The following LIN9 variants were observed in gnomAD, a reference collection of about 807,000 sequenced individuals.
LIN9 encodes protein lin-9 homolog.
LIN9 carries 18 observed loss-of-function variants against 78.0 expected under a neutral mutation model. That is an observed-to-expected ratio of 0.23 (90% CI 0.16 to 0.34). The LOEUF is 0.34. Ranked by LOEUF, LIN9 falls within the 10% of genes least tolerant of loss-of-function variation. The pLI, the probability that LIN9 is intolerant of heterozygous loss-of-function variation, is 1.00. For synonymous variants in LIN9, 192 were observed against 215.2 expected (o/e 0.89, Z 0.94); for missense variants, 451 against 644.1 (o/e 0.70, Z 3.25).
At chr1:226,308,266 T>C (rs1334314377) in intron 1 of LIN9, among the ~76,000 whole-genome samples, 2 of 152,230 alleles carry the variant, frequency 1.3e-5, no homozygotes, top group Non-Finnish European at 2.9e-5. Context: ...TGCTTTTACT[T>C]ACTCAACACA....
In LIN9 at chr1:226,265,799, C is replaced by T. The variant is rs1659866453; in HGVS notation, c.937-165G>A. ...GTTCAAGCGATTCTCCTGCCTCAGCCTCCCGAGCAGCTGGGATTACAGGCG... is the reference window on the plus strand; with the variant it reads ...GTTCAAGCGATTCTCCTGCCTCAGCTTCCCGAGCAGCTGGGATTACAGGCG... On this transcript the variant is annotated intron_variant, in intron 9 of 14. Coordinates refer to ENST00000681046, the MANE Select transcript of LIN9 (RefSeq NM_001366245.2). This position sits in a 1 kb window ranked among gnomAD's most constrained non-coding sequence, Gnocchi z 4.1. Among the ~76,000 whole-genome samples the T allele has an allele frequency of 6.6e-6, 1 of 152,080 alleles. No homozygotes were observed. The highest frequency in any genetic ancestry group is 2.4e-5 in the African/African-American group (1 of 41,414).
At chr1:226,260,472 G>A (rs572413200) in intron 10 of LIN9, among the ~76,000 whole-genome samples, 12 of 152,098 alleles carry the variant, frequency 7.9e-5, no homozygotes, top group African/African-American at 1.9e-4. Context: ...AGGAGTCTGC[G>A]CCTAGCCTGG....
rs745910501 is a variant in LIN9 at position 226,297,735 on chromosome 1, C to T, written c.143G>A (p.Ser48Asn). 7 of 1,583,144 alleles carry T rather than the reference C, an allele frequency of 4.4e-6. No individual in the cohort carries two copies. Among genetic ancestry groups the T allele is most frequent in the Non-Finnish European group, 5.1e-6 (6 of 1,167,386 alleles). Residue 48 changes from serine (S) to asparagine (N), a missense_variant, in exon 3 of 15, where the codon AGC (serine) becomes AAC (asparagine). Coordinates refer to ENST00000681046, the MANE Select transcript of LIN9 (RefSeq NM_001366245.2). ...ACTCCTTACCATTTCCACAGCAGAG[C>T]TTGTATTCCTGCCTTTCCAAACAGG... ...KTPVWKGRNT[S>N]SAVEMPFRNS...
intron 7 of LIN9, among the ~76,000 whole-genome samples, chr1:226,272,351 C>T (rs1159673124): frequency 1.3e-5 from 2 of 151,108 alleles, no homozygotes; most frequent in South Asian, 2.1e-4. Flanking sequence ...CCACCATGCC[C>T]AGCCAATCAT....
rs71574569 is a variant in LIN9, at chr1:226,283,278, A to ATTTT, written c.524+3051_524+3054dup. 4.1e-3 allele frequency among the ~76,000 whole-genome samples: 345 copies of ATTTT among 84,202 alleles called. 39 individuals carry two copies. The highest frequency in any genetic ancestry group is 0.014 in the African/African-American group (266 of 19,626). The allele number at this position is 84,202 out of a possible 152,430, so 55.2% of individuals were successfully genotyped here. A position where few individuals can be genotyped will look rare whatever the true frequency, so the allele number is the denominator to read the frequency against. ...AGTAGCATGCCTGGGTAATTTTTGA[A>ATTTT]TTTTTTTTTTTTTTTTTTTTTTTTT... On this transcript the variant is annotated intron_variant, in intron 6 of 14. Coordinates refer to ENST00000681046, the MANE Select transcript of LIN9 (RefSeq NM_001366245.2).
In LIN9 at chr1:226,289,982, G is replaced by C. The variant is rs530885054; in HGVS notation, c.265-2185C>G. On this transcript the variant is annotated intron_variant, in intron 4 of 14. Transcript: ENST00000681046. Reference sequence around the variant, plus strand: ...AAATGATAAATTTTAGTGTAGAAAAGGTCTTTCTGAGCATGACAAACTCAA... The same window carrying C: ...AAATGATAAATTTTAGTGTAGAAAACGTCTTTCTGAGCATGACAAACTCAA... 1.7e-4 allele frequency among the ~76,000 whole-genome samples: 26 copies of C among 151,582 alleles called. No individual in the cohort carries two copies. In the South Asian group the frequency reaches 5.4e-3, roughly 32 times the overall value.
At chr1:226,256,590 G>A (rs1659209438) in intron 10 of LIN9, among the ~76,000 whole-genome samples, 2 of 150,750 alleles carry the variant, frequency 1.3e-5, no homozygotes, top group South Asian at 2.1e-4. Flanking sequence ...ACAGAGTCTC[G>A]CTCTGTCACC....
At position 226,295,877 on chromosome 1, in the gene LIN9, G is replaced by A. The variant is rs1403077348; in HGVS notation, c.229C>T (p.Pro77Ser). The change falls in exon 4 of 15, where the codon CCT becomes TCT. Residue 77 changes from proline (P) to serine (S), a missense_variant. Physicochemically the swap from Pro to Ser is moderately conservative, Grantham distance 74. Transcript: ENST00000681046. ...ATTGCAACCCTCTGGTTTCTTTTAG[G>A]TGACCTTGTATTTATTTGCCTATCA... Reference protein sequence around the residue: ...EDDRQINTRSPKRNQRVAMVP... With the variant: ...EDDRQINTRSSKRNQRVAMVP... 1.9e-5 allele frequency: 30 copies of A among 1,612,620 alleles called. No individual in the cohort carries two copies. The highest frequency in any genetic ancestry group is 2.5e-5 in the Non-Finnish European group (30 of 1,179,606).
At position 226,266,250 on chromosome 1, in the gene LIN9, C is replaced by G; in HGVS notation, c.899G>C (p.Arg300Pro). 1 of 1,594,044 alleles carries G rather than the reference C, an allele frequency of 6.3e-7. No individual in the cohort carries two copies. The highest frequency in any genetic ancestry group is 8.6e-7 in the Non-Finnish European group (1 of 1,167,528). Residue 300 changes from arginine to proline, a missense_variant, in exon 9 of 15, where the codon CGG (arginine) becomes CCG (proline). By Grantham distance (103) the Arg-to-Pro change is moderately radical. Coordinates refer to ENST00000681046, the MANE Select transcript of LIN9 (RefSeq NM_001366245.2). ...CTGGAGAGGAGGAGTATAATGTAAC[C>G]GTGGTGGGGTCATAAAAAATCGAGA... is the stretch of plus-strand genomic sequence containing the variant. ...RPSRFFMTPP[R>P]LHYTPPLQSP...
chr1:226,289,055 G>A (rs961558563), intron 4 of LIN9, among the ~76,000 whole-genome samples: 3 of 152,124 alleles, frequency 2.0e-5, no homozygotes, highest in Non-Finnish European at 2.9e-5. Context: ...GGCCAATATA[G>A]TGAAACCCCA....
intron 4 of LIN9, among the ~76,000 whole-genome samples, chr1:226,293,122 G>A (rs1661898260): frequency 6.6e-6 from 1 of 151,908 alleles, no homozygotes; most frequent in Non-Finnish European, 1.5e-5. Context: ...GACTAAGGAG[G>A]GTAAGGGAAC....
chr1:226,267,765 A>T (rs1267172222), intron 8 of LIN9, among the ~76,000 whole-genome samples, 192 bp downstream of exon 8: 1 of 152,188 alleles, frequency 6.6e-6, no homozygotes, highest in Non-Finnish European at 1.5e-5. Flanking sequence ...GAGAAATGCT[A>T]GTTCCTGGCA....
chr1:226,289,531 T>C (rs375565074), intron 4 of LIN9, among the ~76,000 whole-genome samples: 36 of 151,990 alleles, frequency 2.4e-4, no homozygotes, highest in African/African-American at 8.2e-4. Flanking sequence ...CTGGGCTAAT[T>C]CATGCATTTT....
chr1:226,287,064 T>C (rs1045485445), intron 5 of LIN9, among the ~76,000 whole-genome samples: 2 of 152,098 alleles, frequency 1.3e-5, no homozygotes, highest in South Asian at 4.1e-4. Flanking sequence ...GCAATTGGTA[T>C]AGAAAACAGA....
chr1:226,234,035 G>C (rs1201279093), intron 12 of LIN9, among the ~76,000 whole-genome samples: 1 of 152,186 alleles, frequency 6.6e-6, no homozygotes, highest in Middle Eastern at 3.2e-3. Flanking sequence ...TACTACAAAT[G>C]TGGTGCTGAG....
At chr1:226,232,650 T>A (rs772081568) in intron 14 of LIN9, 44 bp from the exon 15 acceptor site, 2 of 1,300,514 alleles carry the variant, frequency 1.5e-6, no homozygotes, top group African/African-American at 1.5e-5. Flanking sequence ...TTTCAAAAAA[T>A]TAAGAAAAAA....
chr1:226,288,292 C>T (rs1396855564), intron 4 of LIN9, among the ~76,000 whole-genome samples: 1 of 151,990 alleles, frequency 6.6e-6, no homozygotes, highest in Non-Finnish European at 1.5e-5. Flanking sequence ...CTTTTTTAAC[C>T]TAATAAAACA....
chr1:226,300,213 C>T (rs1432548743), intron 2 of LIN9, among the ~76,000 whole-genome samples: 1 of 152,098 alleles, frequency 6.6e-6, no homozygotes, highest in Non-Finnish European at 1.5e-5. Flanking sequence ...GCCGGGATTA[C>T]AGGCGTGAGC....
chr1:226,251,229 A>T (rs1469802203), intron 10 of LIN9, among the ~76,000 whole-genome samples: 6 of 132,424 alleles, frequency 4.5e-5, no homozygotes, highest in African/African-American at 8.5e-5. Flanking sequence ...AATTTTTGTA[A>T]TTTTTTTTTT....
Sources: gnomAD v4.1 joint callset for allele counts (sites outside exome capture counted in the v4.1 genomes callset) on GRCh38, gnomAD v4.1.1 for gene constraint, Gnocchi (gnomAD v3.1) non-coding constraint, MANE v1.5 for transcripts, NCBI Gene and HGNC (gene_info 2026-07-23, HGNC 2026-07-21) for gene names.